The following CTTNBP2 variants were observed in gnomAD, a reference collection of about 807,000 sequenced individuals.
CTTNBP2 encodes cortactin-binding protein 2.
CTTNBP2 carries 108 observed loss-of-function variants against 156.9 expected under a neutral mutation model. That is an observed-to-expected ratio of 0.69 (90% CI 0.59 to 0.81). CTTNBP2 has a LOEUF of 0.81. Among genes scored for constraint, CTTNBP2 ranks in the 30% least tolerant of loss-of-function variants. CTTNBP2 has a pLI of 0.00. For synonymous variants in CTTNBP2, 767 were observed against 751.8 expected (o/e 1.02, Z -0.33); for missense variants, 1,924 against 2,035.4 (o/e 0.95, Z 1.05).
intron 2 of CTTNBP2, among the ~76,000 whole-genome samples, chr7:117,838,312 T>A (rs1172290981): frequency 6.6e-5 from 10 of 152,198 alleles, no homozygotes; most frequent in Non-Finnish European, 8.8e-5. Flanking sequence ...GTTCAGCTGC[T>A]GAGCTTCAAT....
chr7:117,791,483 C>T lies in CTTNBP2; in HGVS notation c.1713G>A (p.Arg571=). Residue 571 remains arginine, a synonymous_variant, in exon 4 of 23, where the codon AGG becomes AGA. Coordinates refer to ENST00000160373, the MANE Select transcript of CTTNBP2 (RefSeq NM_033427.3). ...PQLKVIIDSS[R]ASNTGAKVDN... ...CAACTTTGGCCCCTGTGTTCGAGGCCCTGCTGCTGTCTATAATAACCTTGA... is the reference window on the plus strand; with the variant it reads ...CAACTTTGGCCCCTGTGTTCGAGGCTCTGCTGCTGTCTATAATAACCTTGA... 2 of 1,614,140 alleles carry T rather than the reference C, an allele frequency of 1.2e-6. No individual in the cohort carries two copies. Among genetic ancestry groups the T allele is most frequent in the South Asian group, 1.1e-5 (1 of 91,072 alleles).
rs148812030 is a variant in CTTNBP2 at position 117,729,584 on chromosome 7, G to T, written c.3877-1317C>A. Among the ~76,000 whole-genome samples, 69 of 152,274 alleles carry T rather than the reference G, an allele frequency of 4.5e-4. No individual in the cohort carries two copies. In the East Asian group the frequency reaches 9.6e-3, roughly 21 times the overall value. On this transcript the variant is annotated intron_variant, in intron 16 of 22. Transcript: ENST00000160373. ...ACAGAGGAAACAAAAGAAAAGGTGT[G>T]AAAAGCTAATGAAGAGCAAGTGGTC... is the stretch of plus-strand genomic sequence containing the variant.
rs114366874 is a variant in CTTNBP2, at chr7:117,746,922, C to T, written c.3349-823G>A. 5.0e-3 allele frequency among the ~76,000 whole-genome samples: 755 copies of T among 152,032 alleles called. 7 individuals carry two copies. The highest frequency in any genetic ancestry group is 0.017 in the African/African-American group (705 of 41,450). On this transcript the variant is annotated intron_variant, in intron 12 of 22. Transcript: ENST00000160373. ...CCTGAGAACATGGAGTTTCAGCATG[C>T]ACTTGGATGGAAAGGCAATTATCAT...
At chr7:117,753,384 C>T (rs1796720794) in intron 12 of CTTNBP2, among the ~76,000 whole-genome samples, 1 of 152,164 alleles carries the variant, frequency 6.6e-6, no homozygotes, top group African/African-American at 2.4e-5. Context: ...TATCATTTGA[C>T]CCAGCAATCC....
intron 10 of CTTNBP2, among the ~76,000 whole-genome samples, chr7:117,759,621 A>G (rs1216855115): frequency 6.6e-6 from 1 of 152,216 alleles, no homozygotes; most frequent in African/African-American, 2.4e-5. Context: ...CTTTTCCAAT[A>G]CGGTGCTGTT....
At chr7:117,851,581 C>T (rs1022929440) in intron 2 of CTTNBP2, among the ~76,000 whole-genome samples, 6 of 152,188 alleles carry the variant, frequency 3.9e-5, no homozygotes, top group Middle Eastern at 3.2e-3. Context: ...TTTCCTACCT[C>T]GGAGCCTACA....
intron 15 of CTTNBP2, 82 bp downstream of exon 15, chr7:117,735,187 G>A (rs1272147305): frequency 5.7e-6 from 9 of 1,585,748 alleles, no homozygotes; most frequent in African/African-American, 1.4e-5. Flanking sequence ...AGAACATGAA[G>A]TATAACTGGT....
At chr7:117,838,698 G>A (rs533327591) in intron 2 of CTTNBP2, among the ~76,000 whole-genome samples, 1 of 151,948 alleles carries the variant, frequency 6.6e-6, no homozygotes, top group Admixed American at 6.6e-5. Flanking sequence ...ATCTATGAGG[G>A]GCAAGTCATA....
chr7:117,771,161 G>C (rs2116721628), intron 8 of CTTNBP2, among the ~76,000 whole-genome samples: 1 of 152,244 alleles, frequency 6.6e-6, no homozygotes, highest in Admixed American at 6.5e-5. Flanking sequence ...AGGTTGAGGG[G>C]TGAGGGAAGT....
At position 117,837,470 on chromosome 7, in the gene CTTNBP2, T is replaced by C. The variant is rs118048656; in HGVS notation, c.189+23739A>G. 3.9e-4 allele frequency among the ~76,000 whole-genome samples: 59 copies of C among 152,294 alleles called. 1 individual carries two copies. In the East Asian group the frequency reaches 0.011, roughly 29 times the overall value. ...GTCATTTGCCCTAACCAGCCTCTCT[T>C]AGTTGAGAAAATACCAACTACAGGT... On this transcript the variant is annotated intron_variant, in intron 2 of 22. Transcript: ENST00000160373.
intron 10 of CTTNBP2, 33 bp downstream of exon 10, chr7:117,760,402 T>G (rs200070295): frequency 6.3e-7 from 1 of 1,593,776 alleles, no homozygotes; most frequent in Non-Finnish European, 8.6e-7. Context: ...ACCCAGAAAT[T>G]TCACTTTCTC....
At chr7:117,795,151 C>T (rs1799248115) in intron 3 of CTTNBP2, among the ~76,000 whole-genome samples, 1 of 107,900 alleles carries the variant, frequency 9.3e-6, no homozygotes, top group South Asian at 3.6e-4. Flanking sequence ...CCGCCTCGGC[C>T]TCCCAAAGTG....
At chr7:117,773,682 CACACACACACACACACACACACA>C (rs1797921437) in intron 8 of CTTNBP2, among the ~76,000 whole-genome samples, 1 of 150,514 alleles carries the variant, frequency 6.6e-6, no homozygotes, top group African/African-American at 2.5e-5. Flanking sequence ...CACACACACA[CACACACACACACACACACACACA>C]CACCCCAAAA....
chr7:117,821,023 A>C (rs1800931494), intron 2 of CTTNBP2, among the ~76,000 whole-genome samples: 1 of 152,144 alleles, frequency 6.6e-6, no homozygotes, highest in Non-Finnish European at 1.5e-5. Flanking sequence ...TTTAAATTTC[A>C]CTTTCTAAAT....
chr7:117,800,425 G>C (rs1196825051), intron 3 of CTTNBP2, among the ~76,000 whole-genome samples: 1 of 151,920 alleles, frequency 6.6e-6, no homozygotes, highest in Non-Finnish European at 1.5e-5. Flanking sequence ...TGGGGTGGGG[G>C]ATGCACAGAT....
chr7:117,744,642 TG>T (rs1489688638), intron 14 of CTTNBP2, among the ~76,000 whole-genome samples: 1 of 152,188 alleles, frequency 6.6e-6, no homozygotes, highest in Admixed American at 6.5e-5. Context: ...CCCAGCACTT[TG>T]GGAGACCCAA....
At chr7:117,817,364 AT>A (rs1362536912) in intron 2 of CTTNBP2, among the ~76,000 whole-genome samples, 92 of 55,914 alleles carry the variant, frequency 1.6e-3, no homozygotes, top group Non-Finnish European at 3.4e-3. Flanking sequence ...AAAAAAAAAT[AT>A]ATATATATAT....
chr7:117,744,526 T>A (rs1363624797), intron 14 of CTTNBP2, among the ~76,000 whole-genome samples: 1 of 152,176 alleles, frequency 6.6e-6, no homozygotes, highest in Non-Finnish European at 1.5e-5. Flanking sequence ...ATTCTTTTTT[T>A]TATGGTCGAA....
chr7:117,817,361 A>AATATATATATAT (rs59036381), intron 2 of CTTNBP2, among the ~76,000 whole-genome samples: 26 of 53,288 alleles, frequency 4.9e-4, no homozygotes, highest in African/African-American at 1.8e-3. Context: ...AAAAAAAAAA[A>AATATATATATAT]ATATATATAT....
Sources: gnomAD v4.1 joint callset for allele counts (sites outside exome capture counted in the v4.1 genomes callset) on GRCh38, gnomAD v4.1.1 for gene constraint, MANE v1.5 for transcripts, NCBI Gene and HGNC (gene_info 2026-07-23, HGNC 2026-07-21) for gene names.